PDE1C: variants seen among roughly 807,000 people sequenced by gnomAD.
The protein encoded by PDE1C is phosphodiesterase 1C.
A neutral mutation model predicts 93.1 loss-of-function variants in PDE1C; 62 were observed. The ratio of observed to expected loss-of-function variants is 0.67; its 90% confidence interval spans 0.54 to 0.82. The LOEUF is 0.82. PDE1C is among the 40% of genes least tolerant of loss of function. The probability of loss-of-function intolerance (pLI) is 0.00; values close to 1 mark genes in which losing one functional copy is unlikely to be tolerated. For missense variants in PDE1C, 742 were observed against 884.6 expected (o/e 0.84, Z 2.04); for synonymous variants, 325 against 310.1 (o/e 1.05, Z -0.50).
At chr7:31,655,534 C>T in the PDE1C span, among the ~76,000 whole-genome samples, 27 of 152,236 alleles carry the variant, frequency 1.8e-4, no homozygotes, top group African/African-American at 6.5e-4. Flanking sequence ...TAGAATAAGC[C>T]AGAGAATGAG....
chr7:32,301,723 G>A (rs1812885464), upstream of PDE1C, among the ~76,000 whole-genome samples: 1 of 152,188 alleles, frequency 6.6e-6, no homozygotes, highest in Non-Finnish European at 1.5e-5. Flanking sequence ...CACGGCTTTT[G>A]TTTGCTCTTT....
chr7:31,774,226 T>C (rs928062543), intron 17 of PDE1C, among the ~76,000 whole-genome samples: 1 of 152,180 alleles, frequency 6.6e-6, no homozygotes, highest in Non-Finnish European at 1.5e-5. Flanking sequence ...TGCAAGGCAA[T>C]GTGCCTCTCA....
At chr7:31,637,894 AT>A in the PDE1C span, among the ~76,000 whole-genome samples, 1 of 152,180 alleles carries the variant, frequency 6.6e-6, no homozygotes, top group African/African-American at 2.4e-5. Flanking sequence ...TCTTTAATCC[AT>A]CTTGAATTAA....
chr7:31,846,782 TG>T (rs1196473910), intron 9 of PDE1C, among the ~76,000 whole-genome samples: 2 of 152,150 alleles, frequency 1.3e-5, no homozygotes, highest in Admixed American at 1.3e-4. Flanking sequence ...CCTTTTTTCC[TG>T]AAGTGGTGCA....
intron 3 of PDE1C, among the ~76,000 whole-genome samples, chr7:32,097,165 G>C (rs2128748294): frequency 6.6e-6 from 1 of 152,274 alleles, no homozygotes; most frequent in South Asian, 2.1e-4. Context: ...ACCTGCATGA[G>C]GGAGGGCAAT....
chr7:31,969,150 G>A (rs1810513961), intron 2 of PDE1C, among the ~76,000 whole-genome samples: 1 of 152,164 alleles, frequency 6.6e-6, no homozygotes, highest in African/African-American at 2.4e-5. Context: ...TTATACTAAA[G>A]AGCTTTGCTG....
At chr7:31,794,081 C>CAGATAGATAGATAGAT (rs1213702808) in intron 16 of PDE1C, among the ~76,000 whole-genome samples, 21 of 135,782 alleles carry the variant, frequency 1.5e-4, no homozygotes, top group South Asian at 1.0e-3. Context: ...GACAGACAGA[C>CAGATAGATAGATAGAT]AGACAGACAG....
chr7:32,048,699 A>C (rs1032553204), intron 2 of PDE1C, among the ~76,000 whole-genome samples: 1 of 152,176 alleles, frequency 6.6e-6, no homozygotes, highest in Non-Finnish European at 1.5e-5. Context: ...TGAGCAGAAT[A>C]AAAGTTATTT....
chr7:32,405,341 C>T (rs577211942), intron 1 of PDE1C, among the ~76,000 whole-genome samples: 37 of 151,930 alleles, frequency 2.4e-4, no homozygotes, highest in African/African-American at 7.7e-4. Flanking sequence ...AACCTCTGCC[C>T]GCCAGGTTCA....
intron 2 of PDE1C, among the ~76,000 whole-genome samples, chr7:32,194,717 C>T (rs1804493336): frequency 1.3e-5 from 2 of 152,148 alleles, no homozygotes; most frequent in African/African-American, 4.8e-5. Flanking sequence ...TTTTTTAACC[C>T]ACTCTGCCAA....
chr7:32,014,362 GA>G (rs1212603897), intron 2 of PDE1C, among the ~76,000 whole-genome samples: 1 of 152,150 alleles, frequency 6.6e-6, no homozygotes, highest in Non-Finnish European at 1.5e-5. Flanking sequence ...AGTAGTTTCT[GA>G]AAAAGTAACA....
At chr7:31,745,424 C>T in the PDE1C span, among the ~76,000 whole-genome samples, 7 of 152,102 alleles carry the variant, frequency 4.6e-5, no homozygotes, top group East Asian at 1.3e-3. Context: ...ATGGGATGGT[C>T]CCTGCTCTCC....
At chr7:31,626,071 G>T in the PDE1C span, among the ~76,000 whole-genome samples, 1 of 152,064 alleles carries the variant, frequency 6.6e-6, no homozygotes, top group Non-Finnish European at 1.5e-5. Flanking sequence ...TAAAATCAAA[G>T]AACAGACAGA....
chr7:31,765,319 T>C (rs1795075320), intron 17 of PDE1C, among the ~76,000 whole-genome samples: 1 of 152,210 alleles, frequency 6.6e-6, no homozygotes, highest in Admixed American at 6.5e-5. Flanking sequence ...TCATCTTTAA[T>C]TTTCTCATTT....
intron 1 of PDE1C, among the ~76,000 whole-genome samples, chr7:32,226,911 C>A (rs7791872): frequency 0.12 from 18,342 of 152,138 alleles, 1,195 homozygotes; most frequent in East Asian, 0.23. Flanking sequence ...CTTTTTATGC[C>A]GCTACAGAAA....
intron 1 of PDE1C, among the ~76,000 whole-genome samples, chr7:32,235,351 G>T (rs1013440090): frequency 6.6e-6 from 1 of 151,210 alleles, no homozygotes; most frequent in African/African-American, 2.4e-5. Context: ...ATATTAGAAA[G>T]AAAAATTAAA....
upstream of PDE1C, among the ~76,000 whole-genome samples, chr7:32,300,974 T>A (rs1238751146): frequency 2.6e-5 from 4 of 151,562 alleles, no homozygotes; most frequent in Non-Finnish European, 4.4e-5. Context: ...AGTAGCAGGG[T>A]CTATAGATAC....
intron 3 of PDE1C, among the ~76,000 whole-genome samples, chr7:32,101,208 C>T (rs1261059500): frequency 6.6e-6 from 1 of 152,188 alleles, no homozygotes; most frequent in African/African-American, 2.4e-5. Context: ...CAAAGTTCTT[C>T]TCACAGGGAT....
chr7:31,785,839 A>C (rs766456317), intron 16 of PDE1C: 5 of 152,178 alleles, frequency 3.3e-5, no homozygotes, highest in Admixed American at 6.5e-5. Context: ...TTAAAAAGTA[A>C]AATCTGGCCT....
Sources: allele counts gnomAD v4.1 joint callset (sites outside exome capture counted in the v4.1 genomes callset), GRCh38; gene constraint gnomAD v4.1.1; transcripts MANE v1.5; gene names NCBI Gene and HGNC (gene_info 2026-07-23, HGNC 2026-07-21).